The following CCDC179 variants were observed in gnomAD, a reference collection of about 807,000 sequenced individuals.
CCDC179 encodes coiled-coil domain containing 179, also known as coiled-coil domain-containing protein 179.
Under a neutral mutation model 12.0 loss-of-function variants are expected in CCDC179, and 17 were observed. The ratio of observed to expected loss-of-function variants is 1.42; its 90% CI spans 0.97 to 2.13. The LOEUF (loss-of-function observed/expected upper bound fraction) is 2.13, where lower values mean the gene tolerates loss of function less well. CCDC179 is among the 30% of genes most tolerant of loss of function. The pLI, the probability that CCDC179 is intolerant of heterozygous loss-of-function variation, is 0.00. For missense variants in CCDC179, 83 were observed against 78.6 expected, an observed-to-expected ratio of 1.06 and a Z score of -0.21; for synonymous variants, 27 against 26.4, an observed-to-expected ratio of 1.02 and a Z score of -0.07.
intron 3 of CCDC179, among the ~76,000 whole-genome samples, chr11:22,849,823 C>A (rs901505594): frequency 6.6e-6 from 1 of 151,982 alleles, no homozygotes; most frequent in Non-Finnish European, 1.5e-5. Context: ...AAATTTAGGA[C>A]ACGGACACAC....
Position 22,856,256 on chromosome 11 carries a change from T to G in CCDC179, c.195+1666A>C, listed in dbSNP as rs193125043. On this transcript the variant is annotated intron_variant, in intron 3 of 3. Transcript: ENST00000532798. ...GACCAATACCTCTCATGAACATAGA[T>G]GTAAAAATTCTCAACAAAATATTAG... is the stretch of plus-strand genomic sequence containing the variant. Among the ~76,000 whole-genome samples, 462 of 151,608 alleles carry G rather than the reference T, an allele frequency of 3.0e-3. 2 individuals carry two copies. Among genetic ancestry groups the G allele is most frequent in the African/African-American group, 0.011 (444 of 41,530 alleles).
At chr11:22,850,537 C>T (rs1297346820) in intron 3 of CCDC179, among the ~76,000 whole-genome samples, 1 of 152,146 alleles carries the variant, frequency 6.6e-6, no homozygotes, top group African/African-American at 2.4e-5. Flanking sequence ...TTGCAAACTG[C>T]ACTTCTATAA....
chr11:22,853,823 A>G (rs1440031967), intron 3 of CCDC179, among the ~76,000 whole-genome samples: 2 of 152,038 alleles, frequency 1.3e-5, no homozygotes, highest in African/African-American at 4.8e-5. Context: ...AACAAACCAC[A>G]GATTCAGAAA....
At chr11:22,854,825 C>G (rs941722451) in intron 3 of CCDC179, among the ~76,000 whole-genome samples, 1 of 151,604 alleles carries the variant, frequency 6.6e-6, no homozygotes, top group Admixed American at 6.6e-5. Flanking sequence ...ATGTTGTTTA[C>G]AAGAAACTCA....
chr11:22,859,774 A>G (rs1343946375), intron 1 of CCDC179, among the ~76,000 whole-genome samples: 2 of 152,190 alleles, frequency 1.3e-5, no homozygotes, highest in African/African-American at 4.8e-5. Flanking sequence ...ATAGAGATAT[A>G]TTCGGGAGGG....
Position 22,847,528 on chromosome 11 carries a change from A to T in CCDC179, c.196-7T>A, listed in dbSNP as rs1858251970. 7.2e-7 allele frequency: 1 copy of T among 1,390,206 alleles called. No homozygotes were observed. Among genetic ancestry groups the T allele is most frequent in the Non-Finnish European group, 9.5e-7 (1 of 1,047,616 alleles). The allele number at this position is 1,390,206 out of a possible 1,614,324, so 86.1% of individuals were successfully genotyped here. On this transcript the variant is annotated splice_polypyrimidine_tract_variant and splice_region_variant and intron_variant, in intron 3 of 3. Transcript: ENST00000532798. ...TGCTTTATCAAGATGACCACTAGAC[A>T]AGATTAAAATACACAAAGAATAAGA... is the stretch of plus-strand genomic sequence containing the variant.
At position 22,847,574 on chromosome 11, in the gene CCDC179, A is replaced by G. The variant is rs1564913797; in HGVS notation, c.196-53T>C. The stretch of plus-strand genomic sequence containing the variant: ...TAAGAAATTTAATTAAAATTTATAT[A>G]AGGAAAGATTAGATATACTATAAAT... On this transcript the variant is annotated intron_variant, in intron 3 of 3. Transcript: ENST00000532798. 7.0e-6 allele frequency: 7 copies of G among 1,000,376 alleles called. No homozygotes were observed. In the East Asian group the frequency reaches 8.6e-5, roughly 12 times the overall value. 62.0% of individuals were successfully genotyped at this position (1,000,376 alleles called of 1,614,324 possible).
At chr11:22,858,897 G>T (rs1178447022) in intron 2 of CCDC179, among the ~76,000 whole-genome samples, 1 of 151,994 alleles carries the variant, frequency 6.6e-6, no homozygotes, top group Non-Finnish European at 1.5e-5. Context: ...TGAAAATAAA[G>T]AAACTATATA....
In CCDC179 at chr11:22,847,514, GA is replaced by G; in HGVS notation, c.202del (p.Ser68LeufsTer21). 7.0e-7 allele frequency: 1 copy of G among 1,433,258 alleles called. No homozygotes were observed. Among genetic ancestry groups the G allele is most frequent in the Non-Finnish European group, 9.3e-7 (1 of 1,080,162 alleles). The allele number at this position is 1,433,258 out of a possible 1,614,324, so 88.8% of individuals were successfully genotyped here. Reference protein sequence around the residue: ...PIPEPGLLWSS With the variant: ...PIPEPGLLWSX ...TTCAAATAGACTCCTGCTTTATCAA[GA>G]TGACCACTAGACAAGATTAAAATAC... On this transcript the variant is annotated frameshift_variant, in exon 4 of 4. Transcript: ENST00000532798. LOFTEE classifies it high-confidence loss of function.
chr11:22,857,940 A>G lies in CCDC179; in HGVS notation c.177T>C (p.Ile59=). Residue 59 remains isoleucine, a synonymous_variant, in exon 3 of 4, where the codon ATT becomes ATC. Transcript: ENST00000532798. The part of the protein sequence containing the change: ...LNKRFSRPSP[I]PEPGLLWSS ...TACTTACTAGGAGTCCTGGTTCTGGAATAGGAGAAGGCCTTGAAAACCTTT... is the reference window on the plus strand; with the variant it reads ...TACTTACTAGGAGTCCTGGTTCTGGGATAGGAGAAGGCCTTGAAAACCTTT... 6.6e-7 allele frequency: 1 copy of G among 1,520,486 alleles called. No individual in the cohort carries two copies. Among genetic ancestry groups the G allele is most frequent in the Non-Finnish European group, 8.8e-7 (1 of 1,138,492 alleles). 94.2% of individuals were successfully genotyped at this position (1,520,486 alleles called of 1,614,324 possible).
At chr11:22,856,500 G>A (rs1858532511) in intron 3 of CCDC179, among the ~76,000 whole-genome samples, 1 of 151,334 alleles carries the variant, frequency 6.6e-6, no homozygotes, top group Non-Finnish European at 1.5e-5. Flanking sequence ...GGTGTAGAGA[G>A]GGATGTCTTT....
In CCDC179 at chr11:22,859,499, A is replaced by G. The variant is rs1323006397; in HGVS notation, c.46-3T>C. The G allele has an allele frequency of 6.1e-6, 9 of 1,468,390 alleles. No individual in the cohort carries two copies. The highest frequency in any genetic ancestry group is 1.5e-5 in the South Asian group (1 of 68,532). The allele number at this position is 1,468,390 out of a possible 1,614,324, so 91.0% of individuals were successfully genotyped here. A position where few individuals can be genotyped will look rare whatever the true frequency, so the allele number is the denominator to read the frequency against. On this transcript the variant is annotated splice_region_variant and splice_polypyrimidine_tract_variant and intron_variant, in intron 1 of 3. Coordinates refer to ENST00000532798, the MANE Select transcript of CCDC179 (RefSeq NM_001195637.2). The stretch of plus-strand genomic sequence containing the variant: ...GGATGATGTTGTCTTGGTCCTTCCT[A>G]TATAATAAACAAAATTAAAACACAT...
intron 1 of CCDC179, 102 bp downstream of exon 1, chr11:22,860,275 T>C: frequency 7.5e-7 from 1 of 1,334,952 alleles, no homozygotes; most frequent in African/African-American, 1.5e-5. Context: ...CCAAACCACA[T>C]TTACAAGAGT....
chr11:22,857,759 G>T (rs915787659), intron 3 of CCDC179, among the ~76,000 whole-genome samples, 163 bp downstream of exon 3: 1 of 151,476 alleles, frequency 6.6e-6, no homozygotes, highest in East Asian at 1.9e-4. Context: ...TGACAGCAGA[G>T]GATATTTAAA....
At chr11:22,854,459 C>CT (rs1401670080) in intron 3 of CCDC179, among the ~76,000 whole-genome samples, 1 of 151,742 alleles carries the variant, frequency 6.6e-6, no homozygotes, top group Non-Finnish European at 1.5e-5. Flanking sequence ...CAAAAGGTAA[C>CT]TGCATTACCC....
intron 3 of CCDC179, among the ~76,000 whole-genome samples, chr11:22,855,027 G>A (rs966619662): frequency 6.6e-6 from 1 of 151,652 alleles, no homozygotes; most frequent in African/African-American, 2.4e-5. Flanking sequence ...TAATGTGTTT[G>A]TTCCTAACAA....
chr11:22,854,772 G>A (rs917794539), intron 3 of CCDC179, among the ~76,000 whole-genome samples: 1 of 151,672 alleles, frequency 6.6e-6, no homozygotes, highest in Non-Finnish European at 1.5e-5. Context: ...TGATCTTAAA[G>A]ACAAAGACTG....
intron 3 of CCDC179, among the ~76,000 whole-genome samples, chr11:22,853,955 G>A (rs1389617694): frequency 6.6e-6 from 1 of 151,876 alleles, no homozygotes; most frequent in Non-Finnish European, 1.5e-5. Context: ...GAAAGTGGTA[G>A]GATAGCTTAC....
intron 2 of CCDC179, among the ~76,000 whole-genome samples, chr11:22,858,303 A>C (rs902631351): frequency 2.6e-5 from 4 of 151,954 alleles, no homozygotes; most frequent in Non-Finnish European, 4.4e-5. Flanking sequence ...ATCCAGACTC[A>C]TGGATTAGTG....
Sources: allele counts gnomAD v4.1 joint callset (sites outside exome capture counted in the v4.1 genomes callset), GRCh38; gene constraint gnomAD v4.1.1; transcripts MANE v1.5; gene names NCBI Gene and HGNC (gene_info 2026-07-23, HGNC 2026-07-21).